The following FBXO3 variants were observed in gnomAD, a reference collection of about 807,000 sequenced individuals.
The protein encoded by FBXO3 is F-box protein 3, also known as F-box only protein 3.
In FBXO3, 17 loss-of-function variants were observed where a neutral mutation model predicts 64.8. That is an observed-to-expected ratio of 0.26 (90% CI 0.18 to 0.39). The LOEUF is 0.39. Among genes scored for constraint, FBXO3 ranks in the 10% least tolerant of loss-of-function variants. The probability of loss-of-function intolerance (pLI) is 1.00; values close to 1 mark genes in which losing one functional copy is unlikely to be tolerated. For synonymous variants in FBXO3, 182 were observed against 201.6 expected (o/e 0.90, Z 0.82); for missense variants, 420 against 589.9 (o/e 0.71, Z 2.98).
chr11:33,742,683 A>G (rs1348700577), intron 10 of FBXO3: 2 of 152,228 alleles, frequency 1.3e-5, no homozygotes, highest in Admixed American at 1.3e-4. Context: ...TCTACTGGTA[A>G]CTTTTATGCA....
chr11:33,765,545 T>A (rs1478403568), intron 3 of FBXO3, among the ~76,000 whole-genome samples: 1 of 152,188 alleles, frequency 6.6e-6, no homozygotes, highest in African/African-American at 2.4e-5. Context: ...GAAAGAGGTA[T>A]CCAACTGTAA....
At chr11:33,772,113 A>T (rs934951732) in intron 1 of FBXO3, 2 of 152,212 alleles carry the variant, frequency 1.3e-5, no homozygotes, top group Non-Finnish European at 2.9e-5. Context: ...GTATCAGATC[A>T]TCTCAATTCA....
chr11:33,771,113 C>T, intron 1 of FBXO3: 1 of 249,930 alleles, frequency 4.0e-6, no homozygotes, highest in South Asian at 7.8e-5. Flanking sequence ...TGGAGTTAAT[C>T]TCAAGTCAAG....
At position 33,741,961 on chromosome 11, in the gene FBXO3, T is replaced by G; in HGVS notation, c.1363A>C (p.Arg455=). Residue 455 remains arginine (R), a synonymous_variant, in exon 11 of 11, where the codon AGG becomes CGG. Transcript: ENST00000265651. Reference sequence around the variant, plus strand: ...CGAATGGGAACATCAAAGACTCTCCTCCGTCTCTCCTCTTCATCATCTTCA... The same window carrying G: ...CGAATGGGAACATCAAAGACTCTCCGCCGTCTCTCCTCTTCATCATCTTCA... The part of the protein sequence containing the change: ...SDEDDEEERR[R]RVFDVPIRRR... 1 of 1,614,010 alleles carries G rather than the reference T, an allele frequency of 6.2e-7. No homozygotes were observed. The highest frequency in any genetic ancestry group is 1.1e-5 in the South Asian group (1 of 91,060).
intron 10 of FBXO3, chr11:33,744,242 TGAA>T (rs1421280001): frequency 6.6e-6 from 1 of 151,940 alleles, no homozygotes; most frequent in African/African-American, 2.4e-5. Context: ...ATTATCTTAA[TGAA>T]GAAGAAAACA....
chr11:33,751,405 C>G (rs1854953215), intron 7 of FBXO3, 118 bp downstream of exon 7: 1 of 651,166 alleles, frequency 1.5e-6, no homozygotes, highest in African/African-American at 1.9e-5. Context: ...CTATTATCAA[C>G]CTCAATAGAG....
At position 33,770,797 on chromosome 11, in the gene FBXO3, T is replaced by C. The variant is rs765337108; in HGVS notation, c.138A>G (p.Leu46=). Residue 46 remains leucine, a synonymous_variant, in exon 2 of 11, where the codon CTA becomes CTG. Coordinates refer to ENST00000265651, the MANE Select transcript of FBXO3 (RefSeq NM_012175.4). ...TTCTCCACAGCGGATCATGACTTGATAGCTGGCTAAGTCTTCGACTGACAT... is the reference window on the plus strand; with the variant it reads ...TTCTCCACAGCGGATCATGACTTGACAGCTGGCTAAGTCTTCGACTGACAT... The part of the protein sequence containing the change: ...CCYVSRRLSQ[L]SSHDPLWRRH... 4 of 1,610,694 alleles carry C rather than the reference T, an allele frequency of 2.5e-6. No individual in the cohort carries two copies. The highest frequency in any genetic ancestry group is 3.4e-6 in the Non-Finnish European group (4 of 1,177,540).
At chr11:33,747,514 CT>C (rs375433121) in intron 9 of FBXO3, among the ~76,000 whole-genome samples, 194 bp from the exon 10 acceptor site, 369 of 140,832 alleles carry the variant, frequency 2.6e-3, no homozygotes, top group African/African-American at 4.4e-3. Flanking sequence ...TTCCTCTTGA[CT>C]TTTTTTTTTT....
intron 3 of FBXO3, 137 bp downstream of exon 3, chr11:33,768,714 C>T: frequency 9.9e-7 from 1 of 1,010,948 alleles, no homozygotes; most frequent in Non-Finnish European, 1.6e-6. Context: ...ACTTCCATGG[C>T]CAAATATGAA....
In FBXO3 at chr11:33,772,794, T is replaced by C. The variant is rs140376132; in HGVS notation, c.104+1600A>G. 269 of 152,122 alleles carry C rather than the reference T, an allele frequency of 1.8e-3. 1 individual carries two copies. Among genetic ancestry groups the C allele is most frequent in the Non-Finnish European group, 3.1e-3 (212 of 68,014 alleles). 9.4% of individuals were successfully genotyped at this position (152,122 alleles called of 1,614,324 possible). A position where few individuals can be genotyped will look rare whatever the true frequency, so the allele number is the denominator to read the frequency against. On this transcript the variant is annotated intron_variant, in intron 1 of 10. Transcript: ENST00000265651. ...CCTCAACACTTAACAGACTGGCACATAGCAAGCCCTCGGGGAAAAAAAAAT... is the reference window on the plus strand; with the variant it reads ...CCTCAACACTTAACAGACTGGCACACAGCAAGCCCTCGGGGAAAAAAAAAT...
In FBXO3 at chr11:33,741,788, A is replaced by G; in HGVS notation, c.*120T>C. Reference sequence around the variant, plus strand: ...AGTGTCACATAGAACCCAGGGCCTGAAACAATATTTCATGCTAGTTTTCCT... The same window carrying G: ...AGTGTCACATAGAACCCAGGGCCTGGAACAATATTTCATGCTAGTTTTCCT... On this transcript the variant is annotated 3_prime_UTR_variant, in exon 11 of 11. Coordinates refer to ENST00000265651, the MANE Select transcript of FBXO3 (RefSeq NM_012175.4). The G allele has an allele frequency of 9.6e-7, 1 of 1,036,428 alleles. No homozygotes were observed. The highest frequency in any genetic ancestry group is 1.6e-5 in the African/African-American group (1 of 60,948). 64.2% of individuals were successfully genotyped at this position (1,036,428 alleles called of 1,614,324 possible). A position where few individuals can be genotyped will look rare whatever the true frequency, so the allele number is the denominator to read the frequency against.
chr11:33,754,890 G>A (rs1424163304), intron 5 of FBXO3, among the ~76,000 whole-genome samples: 1 of 150,434 alleles, frequency 6.6e-6, no homozygotes, highest in Non-Finnish European at 1.5e-5. Context: ...TTTTGAGAGG[G>A]AGCCTTGCTC....
At chr11:33,772,732 A>C (rs999195939) in intron 1 of FBXO3, 2 of 152,262 alleles carry the variant, frequency 1.3e-5, no homozygotes, top group Admixed American at 1.3e-4. Context: ...TGTAAGCTCC[A>C]TAAGAGTTGC....
intron 5 of FBXO3, 131 bp downstream of exon 5, chr11:33,755,640 T>A: frequency 1.4e-6 from 1 of 691,534 alleles, no homozygotes; most frequent in South Asian, 1.8e-5. Flanking sequence ...TTAACTCTAG[T>A]TAGAGAGGTC....
At chr11:33,760,774 T>G (rs1855223470) in intron 3 of FBXO3, among the ~76,000 whole-genome samples, 1 of 152,192 alleles carries the variant, frequency 6.6e-6, no homozygotes, top group Non-Finnish European at 1.5e-5. Flanking sequence ...AATACATTTT[T>G]AGATAAATGA....
chr11:33,774,252 C>T, intron 1 of FBXO3, 142 bp downstream of exon 1: 1 of 700,812 alleles, frequency 1.4e-6, no homozygotes, highest in Non-Finnish European at 2.3e-6. Flanking sequence ...CCCGGTGGCT[C>T]CGCAGGATGA....
intron 1 of FBXO3, chr11:33,772,277 T>C (rs1485071748): frequency 6.6e-6 from 1 of 152,236 alleles, no homozygotes; most frequent in Admixed American, 6.5e-5. Context: ...TGCAATACAC[T>C]GGATACTTTT....
chr11:33,770,856 G>A, intron 1 of FBXO3, 26 bp from the exon 2 acceptor site: 1 of 1,517,358 alleles, frequency 6.6e-7, no homozygotes, highest in Non-Finnish European at 9.0e-7. Context: ...TTCACCGATA[G>A]TATTTAAAAA....
intron 1 of FBXO3, chr11:33,772,721 C>T (rs1361180301): frequency 1.3e-5 from 2 of 152,272 alleles, no homozygotes; most frequent in African/African-American, 4.8e-5. Context: ...GCCCACTGGA[C>T]TGTAAGCTCC....
Sources: allele counts gnomAD v4.1 joint callset (sites outside exome capture counted in the v4.1 genomes callset), GRCh38; gene constraint gnomAD v4.1.1; transcripts MANE v1.5; gene names NCBI Gene and HGNC (gene_info 2026-07-23, HGNC 2026-07-21).